Variants in KIAA1217 observed in about 807,000 individuals in gnomAD.
KIAA1217 encodes the protein KIAA1217.
Under a neutral mutation model 163.9 loss-of-function variants are expected in KIAA1217, and 88 were observed. The observed-to-expected ratio is 0.54, with a 90% CI of 0.45 to 0.64. The LOEUF is 0.64. Among genes scored for constraint, KIAA1217 ranks in the 30% least tolerant of loss-of-function variants. KIAA1217 has a pLI of 0.00. For missense variants in KIAA1217, 2,372 were observed against 2,475.0 expected (o/e 0.96, Z 0.88); for synonymous variants, 903 against 923.1 (o/e 0.98, Z 0.39).
At chr10:23,879,464 C>T (rs1840851955) in intron 1 of KIAA1217, among the ~76,000 whole-genome samples, 2 of 151,868 alleles carry the variant, frequency 1.3e-5, no homozygotes, top group Admixed American at 1.3e-4. Flanking sequence ...CAAAGTGTAG[C>T]ATATTAAGGA....
At position 23,934,595 on chromosome 10, in the gene KIAA1217, A is replaced by G. The variant is rs1167435824; in HGVS notation, c.-320-72630A>G. On this transcript the variant is annotated intron_variant, in intron 1 of 18. Transcript: ENST00000376462. ...TATATATATATATATATATATGTAT[A>G]TATATATATATGTATATATATATAT... Among the ~76,000 whole-genome samples the G allele has an allele frequency of 4.8e-3, 363 of 76,390 alleles. 23 individuals carry two copies. The highest frequency in any genetic ancestry group is 0.043 in the African/African-American group (294 of 6,864). The allele number at this position is 76,390 out of a possible 152,430, so 50.1% of individuals were successfully genotyped here.
intron 8 of KIAA1217, 123 bp from the exon 9 acceptor site, chr10:24,501,256 A>T: frequency 1.3e-6 from 1 of 775,276 alleles, no homozygotes; most frequent in South Asian, 1.9e-5. Flanking sequence ...ATATATATGC[A>T]TATTTTTTGT....
At chr10:24,103,130 T>A (rs895760010) in intron 2 of KIAA1217, among the ~76,000 whole-genome samples, 2 of 152,212 alleles carry the variant, frequency 1.3e-5, no homozygotes, top group Non-Finnish European at 2.9e-5. Flanking sequence ...AGTATGTCTT[T>A]ATTAGCTGTG....
chr10:24,082,957 A>T (rs1482077724), intron 2 of KIAA1217, among the ~76,000 whole-genome samples: 1 of 152,170 alleles, frequency 6.6e-6, no homozygotes, highest in East Asian at 1.9e-4. Context: ...GTGAGATGGT[A>T]TCTCATTGTG....
chr10:23,886,497 G>A (rs1841180703), intron 1 of KIAA1217, among the ~76,000 whole-genome samples: 1 of 152,000 alleles, frequency 6.6e-6, no homozygotes, highest in South Asian at 2.1e-4. Flanking sequence ...TGCTCTTTCA[G>A]ATTAGGGTAT....
At chr10:24,339,841 C>A (rs899882725) in intron 2 of KIAA1217, among the ~76,000 whole-genome samples, 5 of 152,170 alleles carry the variant, frequency 3.3e-5, no homozygotes, top group African/African-American at 9.7e-5. Context: ...ACTTTAGTGT[C>A]CCCCCAAAGC....
At chr10:24,384,605 C>T (rs1159321267) in intron 3 of KIAA1217, among the ~76,000 whole-genome samples, 3 of 152,200 alleles carry the variant, frequency 2.0e-5, no homozygotes, top group African/African-American at 7.2e-5. Flanking sequence ...GGAACGATCT[C>T]GGCTCACCGC....
At chr10:23,910,219 A>G (rs1340979917) in intron 1 of KIAA1217, among the ~76,000 whole-genome samples, 1 of 152,086 alleles carries the variant, frequency 6.6e-6, no homozygotes, top group East Asian at 1.9e-4. Context: ...GATGGGTGCA[A>G]CAAACTACCG....
intron 1 of KIAA1217, among the ~76,000 whole-genome samples, chr10:23,772,722 A>G (rs1834851021): frequency 6.6e-6 from 1 of 152,146 alleles, no homozygotes; most frequent in African/African-American, 2.4e-5. Context: ...AATGCCAGCA[A>G]TTTTTTCACT....
chr10:24,253,249 A>C (rs1030316584), intron 2 of KIAA1217, among the ~76,000 whole-genome samples: 1 of 152,138 alleles, frequency 6.6e-6, no homozygotes, highest in Non-Finnish European at 1.5e-5. Context: ...GATAGAAGAG[A>C]GTTAGCTTTT....
intron 2 of KIAA1217, among the ~76,000 whole-genome samples, chr10:24,256,978 A>T (rs1174393243): frequency 6.6e-6 from 1 of 152,208 alleles, no homozygotes; most frequent in African/African-American, 2.4e-5. Context: ...GAAAGACTGA[A>T]GGTATTTTGG....
chr10:24,210,222 T>C (rs1168870352), intron 1 of KIAA1217, among the ~76,000 whole-genome samples: 1 of 152,102 alleles, frequency 6.6e-6, no homozygotes, highest in Non-Finnish European at 1.5e-5. Flanking sequence ...AAGTAACACA[T>C]GACTCATCCA....
At chr10:24,223,436 G>T (rs1439185773) in intron 2 of KIAA1217, among the ~76,000 whole-genome samples, 3 of 152,106 alleles carry the variant, frequency 2.0e-5, no homozygotes, top group Middle Eastern at 3.4e-3. Flanking sequence ...AATGCCATTT[G>T]TTCCTCCTGG....
At chr10:23,843,552 G>C (rs1048004614) in intron 1 of KIAA1217, among the ~76,000 whole-genome samples, 12 of 152,080 alleles carry the variant, frequency 7.9e-5, no homozygotes, top group Non-Finnish European at 1.8e-4. Context: ...ACGAGGACCT[G>C]TTCCATTGGT....
intron 2 of KIAA1217, among the ~76,000 whole-genome samples, chr10:24,162,930 T>A (rs2065184123): frequency 6.6e-6 from 1 of 152,222 alleles, no homozygotes; most frequent in Admixed American, 6.5e-5. Context: ...AGCAGCTAGC[T>A]TTCCCCTGAG....
At chr10:24,311,496 G>A (rs978028718) in intron 2 of KIAA1217, among the ~76,000 whole-genome samples, 2 of 152,206 alleles carry the variant, frequency 1.3e-5, no homozygotes, top group African/African-American at 4.8e-5. Flanking sequence ...ATGGTGATAA[G>A]GGAGGAAAAA....
chr10:24,066,078 A>G (rs1001708409), intron 2 of KIAA1217, among the ~76,000 whole-genome samples: 16 of 152,204 alleles, frequency 1.1e-4, no homozygotes, highest in Middle Eastern at 3.4e-3. Context: ...CACACTGATG[A>G]GTCTTGACTC....
At chr10:24,175,002 G>A (rs1331846770) in intron 2 of KIAA1217, among the ~76,000 whole-genome samples, 1 of 149,048 alleles carries the variant, frequency 6.7e-6, no homozygotes, top group Non-Finnish European at 1.5e-5. Flanking sequence ...GATTACAGGT[G>A]TGCACCACCA....
intron 2 of KIAA1217, among the ~76,000 whole-genome samples, chr10:24,323,057 T>C (rs375176337): frequency 2.1e-4 from 32 of 152,226 alleles, no homozygotes; most frequent in African/African-American, 7.5e-4. Context: ...CTCAGCAATC[T>C]TCCCACTTCA....
Sources: allele counts gnomAD v4.1 joint callset (sites outside exome capture counted in the v4.1 genomes callset), GRCh38; gene constraint gnomAD v4.1.1; transcripts MANE v1.5; gene names NCBI Gene and HGNC (gene_info 2026-07-23, HGNC 2026-07-21).